LPAR1: variants seen among roughly 807,000 people sequenced by gnomAD.
LPAR1 encodes the protein LPA receptor 1.
In LPAR1, 5 loss-of-function variants were observed where a neutral mutation model predicts 23.8. That is an observed-to-expected ratio of 0.21 (90% CI 0.11 to 0.44). The LOEUF (loss-of-function observed/expected upper bound fraction) is 0.44. Ranked by LOEUF, LPAR1 falls within the 20% of genes least tolerant of loss-of-function variation. The pLI is 0.99. For synonymous variants in LPAR1, 160 were observed against 164.7 expected (o/e 0.97, Z 0.22); for missense variants, 311 against 482.8 (o/e 0.64, Z 3.33).
chr9:110,947,388 T>C (rs2095419788), intron 4 of LPAR1, among the ~76,000 whole-genome samples: 1 of 152,216 alleles, frequency 6.6e-6, no homozygotes, highest in Non-Finnish European at 1.5e-5. Context: ...GAGAAGTTCA[T>C]ATTCATGCCC....
At chr9:111,035,465 C>T (rs1408656364) in intron 2 of LPAR1, among the ~76,000 whole-genome samples, 4 of 152,114 alleles carry the variant, frequency 2.6e-5, no homozygotes, top group African/African-American at 9.7e-5. Context: ...TTCAAGCGAT[C>T]GTCCTGCCTC....
intron 2 of LPAR1, among the ~76,000 whole-genome samples, chr9:111,008,973 A>G (rs746909450): frequency 6.6e-6 from 1 of 152,198 alleles, no homozygotes; most frequent in African/African-American, 2.4e-5. Context: ...CGCAAAGCAC[A>G]TACAGAAACA....
intron 4 of LPAR1, 83 bp from the exon 5 acceptor site, chr9:110,942,251 T>C (rs906627369): frequency 1.3e-5 from 15 of 1,195,388 alleles, no homozygotes; most frequent in Non-Finnish European, 1.8e-5. Context: ...AAGACTTTTA[T>C]AGTACATGCA....
intron 2 of LPAR1, among the ~76,000 whole-genome samples, chr9:111,019,346 C>T (rs941902453): frequency 6.6e-6 from 1 of 151,904 alleles, no homozygotes; most frequent in Admixed American, 6.6e-5. Flanking sequence ...AACAGTATTT[C>T]ATATAAAAAC....
Position 110,945,220 on chromosome 9 carries a change from G to A in LPAR1, c.46-3052C>T, listed in dbSNP as rs556802239. On this transcript the variant is annotated intron_variant, in intron 4 of 5. Transcript: ENST00000683809. ...GGGCTTTCCTACTTCTTCAGGAGCCGACAGACTTAGGCAGAAAACCTACAT... is the reference window on the plus strand; with the variant it reads ...GGGCTTTCCTACTTCTTCAGGAGCCAACAGACTTAGGCAGAAAACCTACAT... Among the ~76,000 whole-genome samples the A allele has an allele frequency of 1.2e-4, 19 of 152,148 alleles. 1 individual carries two copies. Among genetic ancestry groups the A allele is most frequent in the Non-Finnish European group, 4.4e-5 (3 of 68,036 alleles).
At chr9:110,876,976 A>C (rs1283532096) in intron 5 of LPAR1, among the ~76,000 whole-genome samples, 1 of 152,114 alleles carries the variant, frequency 6.6e-6, no homozygotes, top group Non-Finnish European at 1.5e-5. Flanking sequence ...GTCCCATTAC[A>C]CCTCACCTAA....
rs1304167505 is a variant in LPAR1, at chr9:110,977,806, AGGAGGGAGGGAGGGCGGGAGGGAGGGAG to A, written c.-181-4276_-181-4249del. Among the ~76,000 whole-genome samples, 304 of 78,584 alleles carry A rather than the reference AGGAGGGAGGGAGGGCGGGAGGGAGGGAG, an allele frequency of 3.9e-3. 1 individual carries two copies. The highest frequency in any genetic ancestry group is 0.015 in the African/African-American group (294 of 20,088). 51.6% of individuals were successfully genotyped at this position (78,584 alleles called of 152,430 possible). A position where few individuals can be genotyped will look rare whatever the true frequency, so the allele number is the denominator to read the frequency against. On this transcript the variant is annotated intron_variant, in intron 2 of 5. Coordinates refer to ENST00000683809, the MANE Select transcript of LPAR1 (RefSeq NM_001351411.2). ...AAGGAAAGAAGGAAGGAAGGAAGGA[AGGAGGGAGGGAGGGCGGGAGGGAGGGAG>A]GGAAGGAAGGAGGGAAGGAAGGAAG...
rs976123034 is a variant in LPAR1 at position 110,908,286 on chromosome 9, T to A, written c.794-32564A>T. On this transcript the variant is annotated intron_variant, in intron 5 of 5. Transcript: ENST00000683809. ...GACATTTGTTTAAATGCTTTTATAA[T>A]TCATTAATGCTTAATAAACTATTAA... 2.9e-4 allele frequency among the ~76,000 whole-genome samples: 44 copies of A among 149,570 alleles called. No individual in the cohort carries two copies. In the South Asian group the frequency reaches 9.2e-3, roughly 31 times the overall value.
chr9:110,953,844 A>G (rs1343935890), intron 4 of LPAR1, among the ~76,000 whole-genome samples: 1 of 152,178 alleles, frequency 6.6e-6, no homozygotes, highest in Non-Finnish European at 1.5e-5. Flanking sequence ...AACTGGAATA[A>G]GAAAATTTTA....
chr9:110,931,906 G>T (rs1483283216), intron 5 of LPAR1, among the ~76,000 whole-genome samples: 2 of 152,134 alleles, frequency 1.3e-5, no homozygotes, highest in Non-Finnish European at 2.9e-5. Context: ...CCAGTACCAT[G>T]CTGTTTTGGT....
At chr9:110,969,923 G>A (rs956917877) in intron 4 of LPAR1, among the ~76,000 whole-genome samples, 2 of 152,058 alleles carry the variant, frequency 1.3e-5, no homozygotes, top group East Asian at 1.9e-4. Flanking sequence ...TCCAAGACAG[G>A]AGCAGGGCAT....
intron 2 of LPAR1, among the ~76,000 whole-genome samples, chr9:111,028,911 T>C (rs1454368263): frequency 7.9e-5 from 12 of 152,162 alleles, no homozygotes; most frequent in Admixed American, 7.9e-4. Context: ...TAAGGATTTT[T>C]TTCCAGATAA....
chr9:110,898,069 G>A (rs897400284), intron 5 of LPAR1, among the ~76,000 whole-genome samples: 7 of 152,192 alleles, frequency 4.6e-5, no homozygotes, highest in African/African-American at 1.7e-4. Flanking sequence ...TTCAAGAGCT[G>A]AGAAAACTAG....
chr9:110,902,866 C>T (rs1159073858), intron 5 of LPAR1, among the ~76,000 whole-genome samples: 2 of 152,210 alleles, frequency 1.3e-5, no homozygotes, highest in African/African-American at 2.4e-5. Context: ...TGAGGCTCTA[C>T]TGAAGAGCTC....
At chr9:110,915,875 T>TCTTG (rs969456108) in intron 5 of LPAR1, among the ~76,000 whole-genome samples, 1 of 152,174 alleles carries the variant, frequency 6.6e-6, no homozygotes, top group Non-Finnish European at 1.5e-5. Flanking sequence ...TCTTTTCCTC[T>TCTTG]CTTGCTTACT....
intron 5 of LPAR1, among the ~76,000 whole-genome samples, chr9:110,913,043 T>A (rs2092654998): frequency 6.6e-6 from 1 of 152,206 alleles, no homozygotes; most frequent in African/African-American, 2.4e-5. Flanking sequence ...GTGTGCTATT[T>A]GTGCTATTTC....
chr9:110,993,217 T>C (rs1007180458), intron 2 of LPAR1, among the ~76,000 whole-genome samples: 2 of 152,162 alleles, frequency 1.3e-5, no homozygotes, highest in Non-Finnish European at 2.9e-5. Context: ...GTTGGTTTGC[T>C]GCACCCATCA....
intron 5 of LPAR1, among the ~76,000 whole-genome samples, chr9:110,923,964 T>C (rs548031042): frequency 6.6e-6 from 1 of 152,346 alleles, no homozygotes; most frequent in South Asian, 2.1e-4. Context: ...ATTCCTATTT[T>C]TGTTTATCTT....
intron 5 of LPAR1, among the ~76,000 whole-genome samples, chr9:110,922,082 A>G (rs964402984): frequency 1.2e-4 from 19 of 152,188 alleles, no homozygotes; most frequent in African/African-American, 2.4e-4. Context: ...CCAAGAAATA[A>G]AAGTAGGAAC....
Sources: allele counts gnomAD v4.1 joint callset (sites outside exome capture counted in the v4.1 genomes callset), GRCh38; gene constraint gnomAD v4.1.1; transcripts MANE v1.5; gene names NCBI Gene and HGNC (gene_info 2026-07-23, HGNC 2026-07-21).